PAPLN: variants seen among roughly 807,000 people sequenced by gnomAD.
PAPLN encodes the protein papilin, proteoglycan like sulfated glycoprotein.
A neutral mutation model predicts 159.0 loss-of-function variants in PAPLN; 146 were observed. The observed-to-expected ratio is 0.92, with a 90% CI of 0.80 to 1.05. PAPLN has a LOEUF of 1.05. Ranked by LOEUF, PAPLN falls within the 50% of genes least tolerant of loss-of-function variation. The pLI, the probability that PAPLN is intolerant of heterozygous loss-of-function variation, is 0.00. For synonymous variants in PAPLN, 734 were observed against 702.9 expected (o/e 1.04, Z -0.70); for missense variants, 1,720 against 1,743.9 (o/e 0.99, Z 0.24).
intron 1 of PAPLN, among the ~76,000 whole-genome samples, chr14:73,238,892 A>G (rs1883238039): frequency 1.3e-5 from 2 of 152,250 alleles, no homozygotes; most frequent in African/African-American, 4.8e-5. Context: ...TTAAAGTTCA[A>G]ACCTGCACGC....
rs768134832 is a variant in PAPLN at position 73,265,499 on chromosome 14, T to TTCTCCCAGGTTTATTTGACTCC, written c.3262_3263+20dup. The TTCTCCCAGGTTTATTTGACTCC allele has an allele frequency of 6.2e-7, 1 of 1,613,776 alleles. No homozygotes were observed. ...GGCAGAGAGATGGGCAGCCTGTCTCTTCTCCCAGGTTTATTTGACTCCTCT... is the reference window on the plus strand; with the variant it reads ...GGCAGAGAGATGGGCAGCCTGTCTCTTCTCCCAGGTTTATTTGACTCCTCTCCCAGGTTTATTTGACTCCTCT... On this transcript the variant is annotated stop_gained and frameshift_variant, in exon 23 of 27. Transcript: ENST00000644200. LOFTEE classifies it high-confidence loss of function. The surrounding 1 kb of genome is among the most constrained non-coding windows in gnomAD (Gnocchi z 4.1).
At chr14:73,240,692 TG>T in intron 2 of PAPLN, among the ~76,000 whole-genome samples, 1 of 152,284 alleles carries the variant, frequency 6.6e-6, no homozygotes, top group Non-Finnish European at 1.5e-5. Flanking sequence ...AGCTGGCTGG[TG>T]GTCAGAGCTG....
Position 73,253,947 on chromosome 14 carries a change from G to C in PAPLN, c.1288G>C (p.Glu430Gln). The C allele has an allele frequency of 6.2e-7, 1 of 1,611,178 alleles. No individual in the cohort carries two copies. Reference sequence around the variant, plus strand: ...GCAGCGCTGTGCAGCCTGGAGCCCGGAGCCCTGGGGAGAGGTCAGGCCCCT... The same window carrying C: ...GCAGCGCTGTGCAGCCTGGAGCCCGCAGCCCTGGGGAGAGGTCAGGCCCCT... Reference protein sequence around the residue: ...NLQRCAAWSPEPWGECSVSCG... With the variant: ...NLQRCAAWSPQPWGECSVSCG... The change falls in exon 12 of 27, where the codon GAG becomes CAG. Residue 430 changes from glutamate (E) to glutamine (Q), a missense_variant. Glu to Gln is a conservative substitution (Grantham distance 29). Coordinates refer to ENST00000644200, the MANE Select transcript of PAPLN (RefSeq NM_001365906.3).
At chr14:73,263,553 C>A in intron 19 of PAPLN, 92 bp from the exon 20 acceptor site, 1 of 1,539,782 alleles carries the variant, frequency 6.5e-7, no homozygotes. Flanking sequence ...ACAGGATGGG[C>A]CCCAAGCTGT....
chr14:73,263,834 T>G (rs757233889), intron 20 of PAPLN, 52 bp downstream of exon 20: 68 of 1,354,684 alleles, frequency 5.0e-5, no homozygotes, highest in Non-Finnish European at 6.5e-5. Context: ...CCCCCCTACC[T>G]TCCCTGACAG....
chr14:73,250,737 A>G (rs571440832), intron 6 of PAPLN, among the ~76,000 whole-genome samples, 170 bp from the exon 7 acceptor site: 2 of 152,344 alleles, frequency 1.3e-5, no homozygotes, highest in East Asian at 3.9e-4. Context: ...CTGAGCAGAC[A>G]GAGAAGTGGA....
chr14:73,254,573 G>A lies in PAPLN; in HGVS notation c.1363G>A (p.Gly455Ser), dbSNP rs1294850845. ...GAGCGTTACTTGCCGGGGTGAAAGG[G>A]GTTCTTTGCTCCATACCGCAGCGTG... ...KRSVTCRGER[G>S]SLLHTAACSL... The change falls in exon 13 of 27, where the codon GGT becomes AGT. Residue 455 changes from glycine (G) to serine (S), a missense_variant. Coordinates refer to ENST00000644200, the MANE Select transcript of PAPLN (RefSeq NM_001365906.3). The A allele has an allele frequency of 4.3e-6, 7 of 1,614,054 alleles. No individual in the cohort carries two copies. In the Admixed American group the frequency reaches 1.2e-4, roughly 27 times the overall value.
At chr14:73,236,359 G>A (rs1027924943), upstream of PAPLN, among the ~76,000 whole-genome samples, 24 of 152,280 alleles carry the variant, frequency 1.6e-4, no homozygotes, top group Admixed American at 1.2e-3. Context: ...GACAGAAACC[G>A]AGGGAGCAGG....
chr14:73,268,374 C>T, intron 25 of PAPLN, 183 bp from the exon 26 acceptor site: 1 of 554,600 alleles, frequency 1.8e-6, no homozygotes, highest in Non-Finnish European at 3.1e-6. Flanking sequence ...GGAGGGGCAC[C>T]ATCATCACCC....
Position 73,252,706 on chromosome 14 carries a change from T to G in PAPLN, c.1025T>G (p.Met342Arg), listed in dbSNP as rs1027993194. ...TIDHEAYPDH[M>R]CQRQPRPADR... is the part of the protein sequence containing the mutation. ...GACCATGAGGCCTACCCCGACCACA[T>G]GTGCCAGCGCCAGCCACGGCCAGCT... Residue 342 changes from methionine to arginine, a missense_variant, in exon 11 of 27, where the codon ATG becomes AGG. Transcript: ENST00000644200. 6.2e-7 allele frequency: 1 copy of G among 1,613,384 alleles called. No homozygotes were observed. Among genetic ancestry groups the G allele is most frequent in the Non-Finnish European group, 8.5e-7 (1 of 1,180,008 alleles).
chr14:73,260,667 G>T, intron 16 of PAPLN, 42 bp from the exon 17 acceptor site: 1 of 1,406,478 alleles, frequency 7.1e-7, no homozygotes. Context: ...AGGGAGCGTG[G>T]GGGCAGGCTG....
Position 73,273,261 on chromosome 14 carries a change from T to G in PAPLN, c.*597T>G, listed in dbSNP as rs1010812341. The G allele has an allele frequency of 6.6e-6, 1 of 151,368 alleles. No individual in the cohort carries two copies. The highest frequency in any genetic ancestry group is 2.4e-5 in the African/African-American group (1 of 41,134). The allele number at this position is 151,368 out of a possible 1,614,324, so 9.4% of individuals were successfully genotyped here. On this transcript the variant is annotated 3_prime_UTR_variant, in exon 27 of 27. Transcript: ENST00000644200. ...TCCCAAAGTGCTGGGATTACAGGCA[T>G]GAGCCACCACGCCCAGCCATCAATG...
chr14:73,271,823 TGA>T (rs1283527509), intron 26 of PAPLN, among the ~76,000 whole-genome samples: 2 of 152,070 alleles, frequency 1.3e-5, no homozygotes, highest in Non-Finnish European at 2.9e-5. Flanking sequence ...TAGGGAGTTA[TGA>T]GATACAGACG....
intron 6 of PAPLN, 151 bp from the exon 7 acceptor site, chr14:73,250,756 C>A: frequency 1.0e-6 from 1 of 961,710 alleles, no homozygotes; most frequent in Non-Finnish European, 1.4e-6. Flanking sequence ...GATTGTCAGC[C>A]ACAGGCCAGT....
chr14:73,243,638 T>C (rs1469362624), intron 2 of PAPLN: 1 of 152,244 alleles, frequency 6.6e-6, no homozygotes, highest in Non-Finnish European at 1.5e-5. Context: ...TGTCGGGTTG[T>C]TGTGAGGATG....
chr14:73,267,237 C>T (rs1220555437), intron 25 of PAPLN, among the ~76,000 whole-genome samples: 1 of 152,200 alleles, frequency 6.6e-6, no homozygotes, highest in East Asian at 1.9e-4. Context: ...CAAAATCTCT[C>T]CTGGAGCTGT....
rs758605081 is a variant in PAPLN, at chr14:73,262,550, C to A, written c.2446C>A (p.Pro816Thr). ...GSLHGPRRPQPGASGRSTHTD... is the reference protein window; with the variant it reads ...GSLHGPRRPQTGASGRSTHTD... ...TCTCCATGGGCCCCGTCGTCCCCAGCCTGGGGCTTCTGGAAGGAGCACCCA... is the reference window on the plus strand; with the variant it reads ...TCTCCATGGGCCCCGTCGTCCCCAGACTGGGGCTTCTGGAAGGAGCACCCA... The change falls in exon 19 of 27, where the codon CCT (proline) becomes ACT (threonine). Residue 816 changes from proline (P) to threonine (T), a missense_variant. Transcript: ENST00000644200. The A allele has an allele frequency of 7.7e-6, 12 of 1,568,338 alleles. No homozygotes were observed. Among genetic ancestry groups the A allele is most frequent in the South Asian group, 7.0e-5 (6 of 86,142 alleles).
chr14:73,251,096 C>T (rs1885203120), intron 7 of PAPLN, 66 bp downstream of exon 7: 3 of 1,550,016 alleles, frequency 1.9e-6, no homozygotes, highest in Non-Finnish European at 2.6e-6. Context: ...CCTTGCCTGT[C>T]CCTGCTCTGG....
At chr14:73,243,991 G>A (rs1022324540) in intron 2 of PAPLN, 1 of 152,510 alleles carries the variant, frequency 6.6e-6, no homozygotes, top group Non-Finnish European at 1.5e-5. Flanking sequence ...CAGGAGGAAG[G>A]AGAAAAGGAC....
Sources: gnomAD v4.1 joint callset for allele counts (sites outside exome capture counted in the v4.1 genomes callset) on GRCh38, gnomAD v4.1.1 for gene constraint, Gnocchi (gnomAD v3.1) non-coding constraint, MANE v1.5 for transcripts, NCBI Gene and HGNC (gene_info 2026-07-23, HGNC 2026-07-21) for gene names.